CSGALNACT2: variants seen among roughly 807,000 people sequenced by gnomAD.
CSGALNACT2 encodes the protein beta 4 GalNAcT-2.
In CSGALNACT2, 35 loss-of-function variants were observed where a neutral mutation model predicts 55.3. The observed-to-expected ratio is 0.63, with a 90% CI of 0.48 to 0.84. The LOEUF (loss-of-function observed/expected upper bound fraction) is 0.84, where lower values mean the gene tolerates loss of function less well. Among genes scored for constraint, CSGALNACT2 ranks in the 40% least tolerant of loss-of-function variants. The pLI is 0.00. For synonymous variants in CSGALNACT2, 196 were observed against 224.9 expected, an observed-to-expected ratio of 0.87 and a Z score of 1.15; for missense variants, 544 against 657.5, an observed-to-expected ratio of 0.83 and a Z score of 1.89.
At chr10:43,152,328 T>A (rs1838893620) in intron 1 of CSGALNACT2, among the ~76,000 whole-genome samples, 1 of 152,222 alleles carries the variant, frequency 6.6e-6, no homozygotes, top group Non-Finnish European at 1.5e-5. Context: ...TATAATGTAA[T>A]CTTCTAGATT....
At chr10:43,156,609 T>C (rs1342053355) in intron 2 of CSGALNACT2, among the ~76,000 whole-genome samples, 1 of 152,268 alleles carries the variant, frequency 6.6e-6, no homozygotes, top group Non-Finnish European at 1.5e-5. Context: ...ACTGGTTTCA[T>C]GGGTGACAAT....
In CSGALNACT2 at chr10:43,154,250, G is replaced by A. The variant is rs188248147; in HGVS notation, c.-253-647G>A. Among the ~76,000 whole-genome samples, 531 of 152,226 alleles carry A rather than the reference G, an allele frequency of 3.5e-3. 1 individual carries two copies. Among genetic ancestry groups the A allele is most frequent in the Middle Eastern group, 6.8e-3 (2 of 294 alleles). On this transcript the variant is annotated intron_variant, in intron 1 of 7. Transcript: ENST00000374466. ...ATAAGCTTTAGTTGGGAAATGGTGC[G>A]GTAATTGAAATACTATGTTAATAAA...
chr10:43,181,236 C>T (rs1278922864), intron 7 of CSGALNACT2, among the ~76,000 whole-genome samples: 1 of 152,210 alleles, frequency 6.6e-6, no homozygotes, highest in Non-Finnish European at 1.5e-5. Context: ...TACTGGTCCC[C>T]ACAGAGATTT....
chr10:43,146,797 T>G (rs1422139116), intron 1 of CSGALNACT2, among the ~76,000 whole-genome samples: 1 of 151,842 alleles, frequency 6.6e-6, no homozygotes, highest in Non-Finnish European at 1.5e-5. Context: ...CAAAACTATT[T>G]TATATTCCCA....
At chr10:43,148,544 A>C (rs1262281239) in intron 1 of CSGALNACT2, among the ~76,000 whole-genome samples, 1 of 152,114 alleles carries the variant, frequency 6.6e-6, no homozygotes, top group Non-Finnish European at 1.5e-5. Flanking sequence ...TGTTTATTTA[A>C]ATCTTAACTT....
Position 43,158,715 on chromosome 10 carries a change from G to A in CSGALNACT2, c.662G>A (p.Gly221Asp), listed in dbSNP as rs756857914. ...CTTTGTTCCTAACTCTTTCCTTTAG[G>A]TTATTATCGCACTGAGAGAGATAAG... is the stretch of plus-strand genomic sequence containing the variant. ...LIFNENDFVEGYYRTERDKGT... is the reference protein window; with the variant it reads ...LIFNENDFVEDYYRTERDKGT... The change falls in exon 3 of 8, where the codon GGT becomes GAT. Residue 221 changes from glycine to aspartate, a missense_variant and splice_region_variant. Gly to Asp is a moderately conservative substitution (Grantham distance 94). Around this residue, in one of 2 missense-constraint regions of CSGALNACT2, gnomAD observed 374 missense variants for 401.3 expected, o/e 0.93. Coordinates refer to ENST00000374466, the MANE Select transcript of CSGALNACT2 (RefSeq NM_018590.5). The A allele has an allele frequency of 1.5e-5, 24 of 1,569,582 alleles. No homozygotes were observed. Among genetic ancestry groups the A allele is most frequent in the Non-Finnish European group, 1.8e-5 (20 of 1,141,276 alleles).
intron 5 of CSGALNACT2, among the ~76,000 whole-genome samples, chr10:43,166,482 T>G (rs1179570024): frequency 6.6e-6 from 1 of 152,262 alleles, no homozygotes; most frequent in Non-Finnish European, 1.5e-5. Flanking sequence ...CAAGGGCTAT[T>G]ATATCAAGTA....
At chr10:43,159,273 G>GAT (rs1207081757) in intron 3 of CSGALNACT2, among the ~76,000 whole-genome samples, 1 of 151,782 alleles carries the variant, frequency 6.6e-6, no homozygotes, top group Non-Finnish European at 1.5e-5. Flanking sequence ...ATATTTTAAG[G>GAT]ATATAGGTAT....
intron 5 of CSGALNACT2, among the ~76,000 whole-genome samples, chr10:43,166,078 T>TA (rs1418922232): frequency 7.2e-5 from 11 of 152,214 alleles, no homozygotes; most frequent in African/African-American, 2.7e-4. Context: ...AGGTTAGAGA[T>TA]AGTTTTCAGG....
In CSGALNACT2 at chr10:43,138,582, C is replaced by G. The variant is rs921629461; in HGVS notation, c.-254+15C>G. On this transcript the variant is annotated intron_variant, in intron 1 of 7. Transcript: ENST00000374466. ...GGGCGAGCGCGGTGAGTACCTGGCC[C>G]GGCCTCGCCCGCCGGTCCGCGACTC... 11 of 151,010 alleles carry G rather than the reference C, an allele frequency of 7.3e-5. No individual in the cohort carries two copies. Among genetic ancestry groups the G allele is most frequent in the African/African-American group, 2.7e-4 (11 of 41,356 alleles). The allele number at this position is 151,010 out of a possible 1,614,324, so 9.4% of individuals were successfully genotyped here.
At chr10:43,179,492 T>C (rs1160923904) in intron 7 of CSGALNACT2, among the ~76,000 whole-genome samples, 1 of 152,154 alleles carries the variant, frequency 6.6e-6, no homozygotes, top group Non-Finnish European at 1.5e-5. Flanking sequence ...AAGCCTCTGC[T>C]GTTGCTCCTC....
At chr10:43,149,790 G>A (rs1838836364) in intron 1 of CSGALNACT2, among the ~76,000 whole-genome samples, 1 of 152,146 alleles carries the variant, frequency 6.6e-6, no homozygotes, top group South Asian at 2.1e-4. Flanking sequence ...TTGCTAGGCT[G>A]GGTGTGGTGG....
At position 43,155,101 on chromosome 10, in the gene CSGALNACT2, A is replaced by G. The variant is rs1838963318; in HGVS notation, c.-49A>G. On this transcript the variant is annotated 5_prime_UTR_variant, in exon 2 of 8. An upstream start codon of the reference 5' UTR is lost. Coordinates refer to ENST00000374466, the MANE Select transcript of CSGALNACT2 (RefSeq NM_018590.5). Reference sequence around the variant, plus strand: ...TTTTTGATAACTTTTTACTAAAGGTATGAACACACAAAGAGCTTATTTTGT... The same window carrying G: ...TTTTTGATAACTTTTTACTAAAGGTGTGAACACACAAAGAGCTTATTTTGT... 7.2e-7 allele frequency: 1 copy of G among 1,396,928 alleles called. No individual in the cohort carries two copies. The highest frequency in any genetic ancestry group is 1.0e-6 in the Non-Finnish European group (1 of 1,004,858). 86.5% of individuals were successfully genotyped at this position (1,396,928 alleles called of 1,614,324 possible). A position where few individuals can be genotyped will look rare whatever the true frequency, so the allele number is the denominator to read the frequency against.
intron 6 of CSGALNACT2, among the ~76,000 whole-genome samples, chr10:43,172,727 T>G (rs184375295): frequency 2.6e-5 from 4 of 152,322 alleles, no homozygotes; most frequent in Non-Finnish European, 4.4e-5. Flanking sequence ...TCTTTATTTA[T>G]TAGGAGGTGA....
chr10:43,146,569 A>G (rs998312952), intron 1 of CSGALNACT2, among the ~76,000 whole-genome samples: 67 of 152,092 alleles, frequency 4.4e-4, no homozygotes, highest in African/African-American at 1.6e-3. Context: ...GTTGACACTC[A>G]ATATTAGCCA....
intron 6 of CSGALNACT2, among the ~76,000 whole-genome samples, chr10:43,174,035 A>G (rs1396256971): frequency 6.6e-6 from 1 of 152,082 alleles, no homozygotes; most frequent in African/African-American, 2.4e-5. Context: ...TTTTGCCACT[A>G]AAATTATGTC....
chr10:43,176,943 T>C (rs1209636296), intron 7 of CSGALNACT2, among the ~76,000 whole-genome samples: 6 of 152,218 alleles, frequency 3.9e-5, no homozygotes, highest in Non-Finnish European at 5.9e-5. Flanking sequence ...CCTGATTCCA[T>C]GTCTTCTGAT....
At chr10:43,152,300 T>C (rs577008427) in intron 1 of CSGALNACT2, among the ~76,000 whole-genome samples, 177 of 152,208 alleles carry the variant, frequency 1.2e-3, no homozygotes, top group Non-Finnish European at 2.0e-3. Flanking sequence ...TCTTAATATA[T>C]TTATATGATA....
rs1021369117 is a variant in CSGALNACT2, at chr10:43,154,949, A to G, written c.-201A>G. 2 of 560,136 alleles carry G rather than the reference A, an allele frequency of 3.6e-6. No individual in the cohort carries two copies. The highest frequency in any genetic ancestry group is 3.3e-5 in the Admixed American group (1 of 30,172). 34.7% of individuals were successfully genotyped at this position (560,136 alleles called of 1,614,324 possible). A position where few individuals can be genotyped will look rare whatever the true frequency, so the allele number is the denominator to read the frequency against. On this transcript the variant is annotated 5_prime_UTR_variant, in exon 2 of 8. Transcript: ENST00000374466. ...TATATATCAGATTGCTTTATTCTGGATATCATGGTAACAATACAGAAAGTA... is the reference window on the plus strand; with the variant it reads ...TATATATCAGATTGCTTTATTCTGGGTATCATGGTAACAATACAGAAAGTA...
Sources: allele counts gnomAD v4.1 joint callset (sites outside exome capture counted in the v4.1 genomes callset), GRCh38; gene constraint gnomAD v4.1.1; regional missense constraint gnomAD v4.1.1; transcripts MANE v1.5; gene names NCBI Gene and HGNC (gene_info 2026-07-23, HGNC 2026-07-21).